INTS14: variants seen among roughly 807,000 people sequenced by gnomAD.
The protein encoded by INTS14 is integrator complex subunit 14.
In INTS14, 27 loss-of-function variants were observed where a neutral mutation model predicts 56.9. That is an observed-to-expected ratio of 0.47 (90% CI 0.35 to 0.65). The LOEUF (loss-of-function observed/expected upper bound fraction) is 0.65, where lower values mean the gene tolerates loss of function less well. Ranked by LOEUF, INTS14 falls within the 30% of genes least tolerant of loss-of-function variation. INTS14 has a pLI of 0.00. For synonymous variants in INTS14, 207 were observed against 236.2 expected, an observed-to-expected ratio of 0.88 and a Z score of 1.13; for missense variants, 517 against 632.2, an observed-to-expected ratio of 0.82 and a Z score of 1.95.
chr15:65,595,165 G>T (rs1411726249), intron 7 of INTS14, among the ~76,000 whole-genome samples: 2 of 152,190 alleles, frequency 1.3e-5, no homozygotes, highest in Non-Finnish European at 2.9e-5. Context: ...CCCTGAAAAA[G>T]ATAATTTTAA....
At chr15:65,610,621 A>G (rs2073882908) in intron 1 of INTS14, 9 of 1,494,858 alleles carry the variant, frequency 6.0e-6, no homozygotes, top group Non-Finnish European at 8.1e-6. Flanking sequence ...GCTCATTCAT[A>G]AAGAACTGAT....
intron 7 of INTS14, among the ~76,000 whole-genome samples, chr15:65,595,307 C>T (rs1476422025): frequency 6.6e-6 from 1 of 152,242 alleles, no homozygotes; most frequent in Admixed American, 6.5e-5. Flanking sequence ...ACAATATTTA[C>T]TGAGTTATCT....
chr15:65,589,275 C>T (rs1006951453), intron 9 of INTS14, among the ~76,000 whole-genome samples: 3 of 152,178 alleles, frequency 2.0e-5, no homozygotes, highest in South Asian at 2.1e-4. Context: ...CTTCCACCTC[C>T]GCCCCCTGAG....
chr15:65,581,410 T>C lies in INTS14; in HGVS notation c.1305+544A>G, dbSNP rs1310623500. Among the ~76,000 whole-genome samples, 2 of 143,352 alleles carry C rather than the reference T, an allele frequency of 1.4e-5. 1 individual carries two copies. Among genetic ancestry groups the C allele is most frequent in the African/African-American group, 5.4e-5 (2 of 37,276 alleles). 94.0% of individuals were successfully genotyped at this position (143,352 alleles called of 152,430 possible). A position where few individuals can be genotyped will look rare whatever the true frequency, so the allele number is the denominator to read the frequency against. ...CAAAAAAACAAAAATTAGCTGGGCG[T>C]GGTGGCACGTGCCTGTAGTACTAGC... is the stretch of plus-strand genomic sequence containing the variant. On this transcript the variant is annotated intron_variant, in intron 11 of 11. Coordinates refer to ENST00000313182, the MANE Select transcript of INTS14 (RefSeq NM_001394796.1).
chr15:65,590,776 G>C (rs1432773263), intron 9 of INTS14, among the ~76,000 whole-genome samples: 1 of 152,170 alleles, frequency 6.6e-6, no homozygotes, highest in Non-Finnish European at 1.5e-5. Flanking sequence ...GCACAGAATA[G>C]GTTGCTTGGT....
intron 3 of INTS14, among the ~76,000 whole-genome samples, chr15:65,603,344 C>A (rs1566931175): frequency 6.6e-6 from 1 of 152,138 alleles, no homozygotes; most frequent in African/African-American, 2.4e-5. Flanking sequence ...GTATACAGTT[C>A]TATGAGTTTT....
In INTS14 at chr15:65,579,574, C is replaced by T; in HGVS notation, c.1391G>A (p.Cys464Tyr). The change falls in exon 12 of 12, where the codon TGC (cysteine) becomes TAC (tyrosine). Residue 464 changes from cysteine (C) to tyrosine (Y), a missense_variant. By Grantham distance (194) the Cys-to-Tyr change is radical (BLOSUM62 -2). Transcript: ENST00000313182. ...GTGGGCTGTCTCAGGCAGCAGTGTGCATTCCCTTTCCAGCATGTCAGCCAC... is the reference window on the plus strand; with the variant it reads ...GTGGGCTGTCTCAGGCAGCAGTGTGTATTCCCTTTCCAGCATGTCAGCCAC... ...KGVADMLERECTLLPETAHPD... is the reference protein window; with the variant it reads ...KGVADMLEREYTLLPETAHPD... 1 of 1,614,208 alleles carries T rather than the reference C, an allele frequency of 6.2e-7. No individual in the cohort carries two copies. The highest frequency in any genetic ancestry group is 8.5e-7 in the Non-Finnish European group (1 of 1,180,040).
rs2073324061 is a variant in INTS14 at position 65,598,960 on chromosome 15, C to G, written c.517G>C (p.Glu173Gln). 6.2e-7 allele frequency: 1 copy of G among 1,613,646 alleles called. No individual in the cohort carries two copies. ...LQSTDSLECL[E>Q]RLIDLNNGEG... Reference sequence around the variant, plus strand: ...CCATTGTTTAAATCTATGAGACGTTCAAGGCATTCCAAGGAATCGGTGCTC... The same window carrying G: ...CCATTGTTTAAATCTATGAGACGTTGAAGGCATTCCAAGGAATCGGTGCTC... Residue 173 changes from glutamate to glutamine, a missense_variant, in exon 5 of 12, where the codon GAA becomes CAA. Transcript: ENST00000313182.
At chr15:65,593,291 G>T in intron 8 of INTS14, 137 bp downstream of exon 8, 2 of 1,066,998 alleles carry the variant, frequency 1.9e-6, no homozygotes, top group Non-Finnish European at 2.7e-6. Context: ...TGTAGTAGCA[G>T]GTGGGAAAAG....
chr15:65,595,099 T>G (rs1232207295), intron 7 of INTS14, among the ~76,000 whole-genome samples: 2 of 152,216 alleles, frequency 1.3e-5, no homozygotes, highest in East Asian at 3.8e-4. Context: ...GATTTGAACC[T>G]GTAGCCAGTC....
chr15:65,607,142 C>T lies in INTS14; in HGVS notation c.222+17G>A. ...AATTTAGGCCCTGTACATACAATAACTTACTACATTTTGTACCTGTAGGGT... is the reference window on the plus strand; with the variant it reads ...AATTTAGGCCCTGTACATACAATAATTTACTACATTTTGTACCTGTAGGGT... On this transcript the variant is annotated intron_variant, in intron 2 of 11. Transcript: ENST00000313182. The T allele has an allele frequency of 1.2e-6, 2 of 1,612,420 alleles. No individual in the cohort carries two copies. The highest frequency in any genetic ancestry group is 1.7e-6 in the Non-Finnish European group (2 of 1,178,618).
At chr15:65,593,877 G>C (rs977682426) in intron 7 of INTS14, among the ~76,000 whole-genome samples, 4 of 152,128 alleles carry the variant, frequency 2.6e-5, no homozygotes, top group African/African-American at 7.2e-5. Flanking sequence ...ATAGTTAAAG[G>C]GTACAGGGTT....
At chr15:65,589,011 G>T (rs1234629091) in intron 9 of INTS14, among the ~76,000 whole-genome samples, 4 of 152,190 alleles carry the variant, frequency 2.6e-5, no homozygotes, top group African/African-American at 9.7e-5. Flanking sequence ...CATGAACACA[G>T]GGCAGAGTGA....
chr15:65,608,858 G>A lies in INTS14; in HGVS notation c.-62-1416C>T, dbSNP rs191543229. ...GCCAGATTACTTGTTTAAGGATGGTGCCCAGCTGCAAATGTGTCATATTCT... is the reference window on the plus strand; with the variant it reads ...GCCAGATTACTTGTTTAAGGATGGTACCCAGCTGCAAATGTGTCATATTCT... On this transcript the variant is annotated intron_variant, in intron 1 of 11. Coordinates refer to ENST00000313182, the MANE Select transcript of INTS14 (RefSeq NM_001394796.1). Among the ~76,000 whole-genome samples the A allele has an allele frequency of 1.1e-4, 17 of 152,278 alleles. No individual in the cohort carries two copies. The East Asian group carries it at 3.1e-3, about 28-fold the overall frequency.
rs761348752 is a variant in INTS14, at chr15:65,607,314, C to T, written c.67G>A (p.Glu23Lys). Reference sequence around the variant, plus strand: ...GCTAGGTGCTTACGCTGGTATTCCTCGGACCCCTCAATAGACACAGGTCGG... The same window carrying T: ...GCTAGGTGCTTACGCTGGTATTCCTTGGACCCCTCAATAGACACAGGTCGG... ...MTRPVSIEGS[E>K]EYQRKHLAAH... is the part of the protein sequence containing the mutation. The change falls in exon 2 of 12, where the codon GAG (glutamate) becomes AAG (lysine). Residue 23 changes from glutamate to lysine, a missense_variant. Glu to Lys is a moderately conservative substitution (Grantham distance 56). Coordinates refer to ENST00000313182, the MANE Select transcript of INTS14 (RefSeq NM_001394796.1). 49 of 1,613,998 alleles carry T rather than the reference C, an allele frequency of 3.0e-5. No individual in the cohort carries two copies. Among genetic ancestry groups the T allele is most frequent in the Non-Finnish European group, 3.9e-5 (46 of 1,180,042 alleles).
chr15:65,587,714 C>T (rs2072877818), intron 9 of INTS14, among the ~76,000 whole-genome samples: 5 of 152,156 alleles, frequency 3.3e-5, no homozygotes, highest in Admixed American at 3.3e-4. Context: ...AGTGTGGTGG[C>T]TCACGCCTGT....
At chr15:65,588,909 A>G (rs1388218669) in intron 9 of INTS14, among the ~76,000 whole-genome samples, 1 of 152,212 alleles carries the variant, frequency 6.6e-6, no homozygotes, top group Non-Finnish European at 1.5e-5. Flanking sequence ...CATTATGTCC[A>G]GCACAGTGCC....
intron 9 of INTS14, among the ~76,000 whole-genome samples, chr15:65,589,630 C>T (rs2072951765): frequency 6.6e-6 from 1 of 152,188 alleles, no homozygotes; most frequent in African/African-American, 2.4e-5. Flanking sequence ...CTATTCTCCT[C>T]TCCTCACTAC....
At chr15:65,593,289 CA>C in intron 8 of INTS14, 138 bp downstream of exon 8, 1 of 1,017,132 alleles carries the variant, frequency 9.8e-7, no homozygotes, top group Admixed American at 2.6e-5. Flanking sequence ...ACTGTAGTAG[CA>C]GGTGGGAAAA....
Sources: allele counts gnomAD v4.1 joint callset (sites outside exome capture counted in the v4.1 genomes callset), GRCh38; gene constraint gnomAD v4.1.1; transcripts MANE v1.5; gene names NCBI Gene and HGNC (gene_info 2026-07-23, HGNC 2026-07-21).